C12orf42: variants seen among roughly 807,000 people sequenced by gnomAD.
The protein encoded by C12orf42 is uncharacterized protein C12orf42.
C12orf42 carries 25 observed loss-of-function variants against 21.6 expected under a neutral mutation model. The observed-to-expected ratio is 1.16, with a 90% CI of 0.84 to 1.62. The LOEUF (loss-of-function observed/expected upper bound fraction) is 1.62. Ranked by LOEUF, C12orf42 falls within the 40% of genes most tolerant of loss-of-function variation. The pLI is 0.00. For missense variants in C12orf42, 483 were observed against 459.3 expected (o/e 1.05, Z -0.47); for synonymous variants, 174 against 175.0 (o/e 0.99, Z 0.05).
chr12:103,161,986 C>A, the C12orf42 span, among the ~76,000 whole-genome samples: 4 of 152,156 alleles, frequency 2.6e-5, no homozygotes, highest in African/African-American at 9.7e-5. Context: ...AATCTGTTCC[C>A]ACAGGTTTGG....
intron 4 of C12orf42, among the ~76,000 whole-genome samples, chr12:103,292,346 T>A (rs2036877828): frequency 6.6e-6 from 1 of 152,132 alleles, no homozygotes; most frequent in African/African-American, 2.4e-5. Flanking sequence ...GAAAAACTCA[T>A]GAATTGTACA....
At chr12:103,080,078 A>C in the C12orf42 span, among the ~76,000 whole-genome samples, 1 of 152,154 alleles carries the variant, frequency 6.6e-6, no homozygotes, top group Non-Finnish European at 1.5e-5. Context: ...TCCCTGATCA[A>C]TTTATGCACT....
At chr12:103,136,802 AGTT>A in the C12orf42 span, among the ~76,000 whole-genome samples, 2 of 152,214 alleles carry the variant, frequency 1.3e-5, no homozygotes, top group Non-Finnish European at 2.9e-5. Flanking sequence ...CTCTTCAATT[AGTT>A]GTTGTGGGAA....
At chr12:103,176,117 TACTCC>T in the C12orf42 span, among the ~76,000 whole-genome samples, 2 of 152,080 alleles carry the variant, frequency 1.3e-5, no homozygotes, top group African/African-American at 4.8e-5. Flanking sequence ...AGTTCAATAC[TACTCC>T]TTGGAATTGC....
downstream of C12orf42, among the ~76,000 whole-genome samples, chr12:103,266,181 T>A (rs2035160811): frequency 1.3e-5 from 2 of 152,164 alleles, no homozygotes; most frequent in South Asian, 4.1e-4. Flanking sequence ...TAATATCAAA[T>A]TTTGATAGTC....
chr12:103,488,306 C>G (rs1032788310), intron 1 of C12orf42, among the ~76,000 whole-genome samples: 3 of 152,220 alleles, frequency 2.0e-5, no homozygotes, highest in African/African-American at 7.2e-5. Context: ...TGTAGGGTTT[C>G]TGCCGAGATA....
At chr12:103,256,283 T>C (rs2034615149) in intron 10 of C12orf42, among the ~76,000 whole-genome samples, 1 of 150,780 alleles carries the variant, frequency 6.6e-6, no homozygotes, top group South Asian at 2.1e-4. Flanking sequence ...GTGATGATAG[T>C]GACAGTATAC....
At chr12:103,225,667 C>A in the C12orf42 span, among the ~76,000 whole-genome samples, 2 of 151,996 alleles carry the variant, frequency 1.3e-5, no homozygotes, top group Admixed American at 6.6e-5. Flanking sequence ...GGGAACTGGG[C>A]AGGTGGGGAT....
At chr12:103,055,770 T>C in the C12orf42 span, among the ~76,000 whole-genome samples, 2 of 152,186 alleles carry the variant, frequency 1.3e-5, no homozygotes, top group Middle Eastern at 3.4e-3. Context: ...TGGTTAAATG[T>C]ATTTTTAAAT....
At chr12:103,360,020 GT>G (rs1200181578) in intron 4 of C12orf42, among the ~76,000 whole-genome samples, 1 of 151,146 alleles carries the variant, frequency 6.6e-6, no homozygotes, top group Non-Finnish European at 1.5e-5. Context: ...TGCCCTTGTT[GT>G]TTTTTACTTA....
At chr12:103,054,038 T>C in the C12orf42 span, among the ~76,000 whole-genome samples, 1 of 151,956 alleles carries the variant, frequency 6.6e-6, no homozygotes, top group African/African-American at 2.4e-5. Flanking sequence ...CCTTCCACTT[T>C]GTTCTTTCCA....
chr12:103,114,641 C>G, the C12orf42 span, among the ~76,000 whole-genome samples: 2 of 152,298 alleles, frequency 1.3e-5, no homozygotes, highest in South Asian at 4.1e-4. Context: ...TATTTGTCCC[C>G]TTGCATGAGA....
the C12orf42 span, among the ~76,000 whole-genome samples, chr12:103,560,073 C>T: frequency 1.3e-5 from 2 of 152,168 alleles, no homozygotes; most frequent in Admixed American, 1.3e-4. Context: ...ACTTTATCTG[C>T]AGGCTAGACT....
At chr12:103,220,151 A>G in the C12orf42 span, among the ~76,000 whole-genome samples, 1 of 152,176 alleles carries the variant, frequency 6.6e-6, no homozygotes, top group Non-Finnish European at 1.5e-5. Flanking sequence ...TCAGCAAACT[A>G]ACACAGGAAC....
At chr12:103,353,235 C>T (rs767014957) in intron 4 of C12orf42, among the ~76,000 whole-genome samples, 23 of 150,128 alleles carry the variant, frequency 1.5e-4, no homozygotes, top group Admixed American at 1.0e-3. Context: ...GACTGATGGC[C>T]GTGGTACTCA....
chr12:103,080,937 G>A, the C12orf42 span: 1 of 152,180 alleles, frequency 6.6e-6, no homozygotes, highest in African/African-American at 2.4e-5. Flanking sequence ...AATTGGTAGG[G>A]CTGGGATTTG....
At chr12:103,160,357 G>A in the C12orf42 span, among the ~76,000 whole-genome samples, 1 of 152,160 alleles carries the variant, frequency 6.6e-6, no homozygotes, top group African/African-American at 2.4e-5. Flanking sequence ...AGTTATTCCA[G>A]AAGTCAATGT....
the C12orf42 span, among the ~76,000 whole-genome samples, chr12:103,186,562 T>C: frequency 6.6e-6 from 1 of 152,230 alleles, no homozygotes; most frequent in Non-Finnish European, 1.5e-5. Context: ...AACTTTATTA[T>C]CTCATCATAA....
chr12:103,500,775 C>T (rs1955700016), upstream of C12orf42, among the ~76,000 whole-genome samples: 1 of 152,186 alleles, frequency 6.6e-6, no homozygotes, highest in South Asian at 2.1e-4. Flanking sequence ...AAGGATGTCA[C>T]TTAGCAGAAA....
Sources: allele counts gnomAD v4.1 joint callset (sites outside exome capture counted in the v4.1 genomes callset), GRCh38; gene constraint gnomAD v4.1.1; transcripts MANE v1.5; gene names NCBI Gene and HGNC (gene_info 2026-07-23, HGNC 2026-07-21).